Variants in E2F3 observed in about 807,000 individuals in gnomAD.
E2F3 encodes E2F transcription factor 3.
In E2F3, 11 loss-of-function variants were observed where a neutral mutation model predicts 44.4. That is an observed-to-expected ratio of 0.25 (90% CI 0.16 to 0.41). The LOEUF (loss-of-function observed/expected upper bound fraction) is 0.41, where lower values mean the gene tolerates loss of function less well. E2F3 is among the 10% of genes least tolerant of loss of function. The pLI, the probability that E2F3 is intolerant of heterozygous loss-of-function variation, is 1.00. For missense variants in E2F3, 487 were observed against 583.6 expected (o/e 0.83, Z 1.70); for synonymous variants, 249 against 253.0 (o/e 0.98, Z 0.15).
At chr6:20,464,292 A>G (rs1431173462) in intron 1 of E2F3, among the ~76,000 whole-genome samples, 2 of 152,226 alleles carry the variant, frequency 1.3e-5, no homozygotes, top group Admixed American at 6.5e-5. Context: ...TTGTCAGTCA[A>G]TCAGAGAGCT....
intron 5 of E2F3, 93 bp from the exon 6 acceptor site, chr6:20,488,020 A>G: frequency 1.3e-6 from 2 of 1,558,154 alleles, no homozygotes; most frequent in Non-Finnish European, 1.8e-6. Flanking sequence ...AAAAACGAAC[A>G]TTGTTCTTAC....
intron 1 of E2F3, among the ~76,000 whole-genome samples, chr6:20,465,182 C>A (rs1224416749): frequency 6.6e-6 from 1 of 152,210 alleles, no homozygotes; most frequent in African/African-American, 2.4e-5. Flanking sequence ...GGGTACCCAG[C>A]AGGGGACTGG....
chr6:20,411,515 C>T (rs1317114983), intron 1 of E2F3, among the ~76,000 whole-genome samples: 2 of 152,172 alleles, frequency 1.3e-5, no homozygotes, highest in Admixed American at 1.3e-4. Flanking sequence ...TGGCTGCTTC[C>T]CGGACTTACC....
At chr6:20,423,593 C>A (rs1470639807) in intron 1 of E2F3, among the ~76,000 whole-genome samples, 1 of 151,946 alleles carries the variant, frequency 6.6e-6, no homozygotes, top group Non-Finnish European at 1.5e-5. Flanking sequence ...GCCTCAGCCT[C>A]CCAAGTAACT....
intron 1 of E2F3, among the ~76,000 whole-genome samples, chr6:20,469,591 GA>G (rs1581639117): frequency 6.6e-6 from 1 of 152,330 alleles, no homozygotes; most frequent in East Asian, 1.9e-4. Context: ...CTAAGTCAGT[GA>G]GATTGCTTTT....
rs4134979 is a variant in E2F3 at position 20,489,142 on chromosome 6, A to C, written c.1135+894A>C. Among the ~76,000 whole-genome samples, 540 of 152,332 alleles carry C rather than the reference A, an allele frequency of 3.5e-3. 5 individuals are homozygous for C. The highest frequency in any genetic ancestry group is 0.012 in the African/African-American group (512 of 41,582). On this transcript the variant is annotated intron_variant, in intron 6 of 6. Transcript: ENST00000346618. ...CCTTAGTGTCTCCCTATATAGCAGC[A>C]AGAATAAGGGTGATTTAAGTGAATA...
intron 6 of E2F3, among the ~76,000 whole-genome samples, chr6:20,488,783 C>G (rs2127628058): frequency 6.6e-6 from 1 of 152,206 alleles, no homozygotes; most frequent in African/African-American, 2.4e-5. Flanking sequence ...ATCACGAGGT[C>G]AGGAGATCGA....
chr6:20,483,759 C>A (rs1267399893), intron 4 of E2F3, among the ~76,000 whole-genome samples: 2 of 152,178 alleles, frequency 1.3e-5, no homozygotes, highest in African/African-American at 4.8e-5. Flanking sequence ...GTAAGTTATC[C>A]CATCTCTAGT....
rs770269495 is a variant in E2F3 at position 20,486,709 on chromosome 6, A to G, written c.905A>G (p.Gln302Arg). 6.2e-7 allele frequency: 1 copy of G among 1,607,120 alleles called. No individual in the cohort carries two copies. The highest frequency in any genetic ancestry group is 2.2e-5 in the East Asian group (1 of 44,834). ...ENQRLAYVTY[Q>R]DIRKISGLKD... Reference sequence around the variant, plus strand: ...TTTACGTTAGCTTATGTTACATATCAAGATATTCGAAAAATTAGTGGCCTT... The same window carrying G: ...TTTACGTTAGCTTATGTTACATATCGAGATATTCGAAAAATTAGTGGCCTT... Residue 302 changes from glutamine to arginine, a missense_variant, in exon 5 of 7, where the codon CAA becomes CGA. Gln to Arg is a conservative substitution (Grantham distance 43). Transcript: ENST00000346618.
chr6:20,466,096 C>T (rs1347223750), intron 1 of E2F3, among the ~76,000 whole-genome samples: 2 of 150,572 alleles, frequency 1.3e-5, no homozygotes, highest in East Asian at 3.9e-4. Context: ...TTCACATCCA[C>T]GCCAACATGT....
chr6:20,479,747 C>T, intron 1 of E2F3, 99 bp from the exon 2 acceptor site: 2 of 943,734 alleles, frequency 2.1e-6, no homozygotes, highest in Non-Finnish European at 3.3e-6. Flanking sequence ...TGAGAGCTGG[C>T]ATGAGCCTGC....
intron 1 of E2F3, among the ~76,000 whole-genome samples, chr6:20,475,633 C>G (rs540404487): frequency 1.9e-4 from 29 of 152,334 alleles, no homozygotes; most frequent in South Asian, 8.3e-4. Context: ...TCCCAAGTAA[C>G]TGGAACTACA....
intron 1 of E2F3, among the ~76,000 whole-genome samples, chr6:20,430,450 A>G (rs1304406025): frequency 6.6e-6 from 1 of 152,212 alleles, no homozygotes; most frequent in Non-Finnish European, 1.5e-5. Context: ...TCGTATAGTT[A>G]TTTGCCAAAG....
intron 1 of E2F3, among the ~76,000 whole-genome samples, chr6:20,425,677 C>T (rs1302786392): frequency 1.3e-5 from 2 of 152,178 alleles, no homozygotes; most frequent in Non-Finnish European, 2.9e-5. Context: ...GGATTACAGG[C>T]GTGAGCCACT....
At chr6:20,432,300 T>C (rs866064413) in intron 1 of E2F3, among the ~76,000 whole-genome samples, 3 of 152,218 alleles carry the variant, frequency 2.0e-5, no homozygotes, top group Non-Finnish European at 4.4e-5. Context: ...TCTGTGAACA[T>C]GGAGGCCATG....
chr6:20,410,309 G>T (rs1441170487), intron 1 of E2F3, among the ~76,000 whole-genome samples: 3 of 152,184 alleles, frequency 2.0e-5, no homozygotes, highest in African/African-American at 7.2e-5. Flanking sequence ...ATAGTGAGGG[G>T]CAGCTGAGTA....
chr6:20,428,997 G>A (rs904176152), intron 1 of E2F3, among the ~76,000 whole-genome samples: 2 of 152,162 alleles, frequency 1.3e-5, no homozygotes, highest in African/African-American at 4.8e-5. Context: ...TGTGACCTTT[G>A]GCAATGTCTG....
intron 1 of E2F3, among the ~76,000 whole-genome samples, chr6:20,436,346 T>C (rs888465486): frequency 2.6e-5 from 4 of 152,170 alleles, no homozygotes; most frequent in Non-Finnish European, 5.9e-5. Flanking sequence ...ATCAAGATTC[T>C]AGATCGGGGT....
chr6:20,415,103 T>C (rs183376977), intron 1 of E2F3, among the ~76,000 whole-genome samples: 22 of 152,338 alleles, frequency 1.4e-4, no homozygotes, highest in Non-Finnish European at 1.8e-4. Flanking sequence ...GGGAAAACTA[T>C]TGGACAGGCT....
Sources: gnomAD v4.1 joint callset for allele counts (sites outside exome capture counted in the v4.1 genomes callset) on GRCh38, gnomAD v4.1.1 for gene constraint, MANE v1.5 for transcripts, NCBI Gene and HGNC (gene_info 2026-07-23, HGNC 2026-07-21) for gene names.